The following PLD1 variants were observed in gnomAD, a reference collection of about 807,000 sequenced individuals.
The protein encoded by PLD1 is phospholipase D1, also known as choline phosphatase 1.
In PLD1, 112 loss-of-function variants were observed where a neutral mutation model predicts 137.1. That is an observed-to-expected ratio of 0.82 (90% CI 0.70 to 0.96). The LOEUF (loss-of-function observed/expected upper bound fraction) is 0.96. Among genes scored for constraint, PLD1 ranks in the 40% least tolerant of loss-of-function variants. PLD1 has a pLI of 0.00. For synonymous variants in PLD1, 431 were observed against 454.7 expected (o/e 0.95, Z 0.66); for missense variants, 1,321 against 1,342.0 (o/e 0.98, Z 0.24).
intron 16 of PLD1, among the ~76,000 whole-genome samples, chr3:171,678,319 G>GATAT (rs1713595770): frequency 6.6e-6 from 1 of 152,154 alleles, no homozygotes; most frequent in East Asian, 1.9e-4. Context: ...ATTTGGCCTA[G>GATAT]ATAACAGCTA....
chr3:171,624,547 A>T (rs1733921048), intron 23 of PLD1, among the ~76,000 whole-genome samples: 1 of 151,938 alleles, frequency 6.6e-6, no homozygotes, highest in Non-Finnish European at 1.5e-5. Context: ...TACCTTCAAC[A>T]AATAAGAATA....
intron 9 of PLD1, among the ~76,000 whole-genome samples, chr3:171,710,181 G>A (rs1254249389): frequency 6.6e-6 from 1 of 152,110 alleles, no homozygotes; most frequent in Non-Finnish European, 1.5e-5. Context: ...TCCTGCCTCA[G>A]CCTCGAGTAG....
At chr3:171,771,323 G>A (rs372640435) in intron 1 of PLD1, 1 of 152,258 alleles carries the variant, frequency 6.6e-6, no homozygotes, top group Non-Finnish European at 1.5e-5. Flanking sequence ...CCAAATAAAC[G>A]GGCAAAGCCT....
chr3:171,796,131 T>G (rs1394724206), intron 1 of PLD1, among the ~76,000 whole-genome samples: 2 of 152,236 alleles, frequency 1.3e-5, no homozygotes, highest in African/African-American at 2.4e-5. Context: ...CTGTCCACTT[T>G]TTGTAAGTAT....
chr3:171,702,046 TAAG>T (rs958458539), intron 11 of PLD1, among the ~76,000 whole-genome samples: 1 of 152,068 alleles, frequency 6.6e-6, no homozygotes, highest in Admixed American at 6.5e-5. Context: ...AAACCCAAAG[TAAG>T]AAGATGGGGG....
At chr3:171,673,961 A>G (rs540625687) in intron 19 of PLD1, among the ~76,000 whole-genome samples, 25 of 150,840 alleles carry the variant, frequency 1.7e-4, no homozygotes, top group Non-Finnish European at 2.4e-4. Flanking sequence ...GTTGATAACT[A>G]GCTGGCCGGC....
intron 16 of PLD1, among the ~76,000 whole-genome samples, chr3:171,682,108 AAAAGAAAG>A (rs61458676): frequency 0.024 from 2,379 of 99,128 alleles, 28 homozygotes; most frequent in African/African-American, 0.032. Context: ...TACAGAAAGA[AAAAGAAAG>A]AAAGAAAGAA....
intron 18 of PLD1, 96 bp downstream of exon 18, chr3:171,676,619 A>G: frequency 5.3e-6 from 5 of 935,664 alleles, no homozygotes; most frequent in Non-Finnish European, 6.9e-6. Flanking sequence ...TGTGGCCACA[A>G]CAGTCTCTTC....
intron 6 of PLD1, among the ~76,000 whole-genome samples, chr3:171,730,769 G>C (rs1333229292): frequency 1.3e-5 from 2 of 151,472 alleles, no homozygotes; most frequent in Admixed American, 1.3e-4. Context: ...CTCCCAAGTA[G>C]CTGGGATTAA....
chr3:171,720,199 T>C (rs964589518), intron 8 of PLD1, among the ~76,000 whole-genome samples: 1 of 137,592 alleles, frequency 7.3e-6, no homozygotes, highest in African/African-American at 2.8e-5. Flanking sequence ...GGGGCTGAGG[T>C]GGGAGGATCG....
intron 6 of PLD1, among the ~76,000 whole-genome samples, 162 bp downstream of exon 6, chr3:171,733,282 C>A (rs1251992049): frequency 1.3e-5 from 2 of 152,204 alleles, no homozygotes; most frequent in African/African-American, 4.8e-5. Flanking sequence ...TAAACTGGAT[C>A]CTTGCTGTAA....
At chr3:171,656,286 G>A (rs1447389061) in intron 21 of PLD1, among the ~76,000 whole-genome samples, 3 of 151,712 alleles carry the variant, frequency 2.0e-5, no homozygotes, top group African/African-American at 4.8e-5. Flanking sequence ...TTCTCCTACC[G>A]CAGCCACCTG....
At chr3:171,735,108 G>A (rs538803615) in intron 4 of PLD1, 138 bp from the exon 5 acceptor site, 115 of 605,636 alleles carry the variant, frequency 1.9e-4, no homozygotes, top group Non-Finnish European at 2.8e-4. Flanking sequence ...CTAGTTAGCC[G>A]ATATTGTGAA....
chr3:171,763,433 A>G (rs1385226648), intron 1 of PLD1, among the ~76,000 whole-genome samples: 1 of 133,048 alleles, frequency 7.5e-6, no homozygotes, highest in Non-Finnish European at 1.6e-5. Context: ...TAAAACAGAG[A>G]AGAAAAGAAG....
intron 18 of PLD1, among the ~76,000 whole-genome samples, chr3:171,675,164 A>C (rs1454374576): frequency 6.6e-6 from 1 of 152,110 alleles, no homozygotes; most frequent in Non-Finnish European, 1.5e-5. Context: ...ATATTTGTAA[A>C]GACAGGTTAA....
chr3:171,690,452 A>T (rs1715033127), intron 13 of PLD1, among the ~76,000 whole-genome samples: 1 of 151,332 alleles, frequency 6.6e-6, no homozygotes. Flanking sequence ...TTAGGTTGTT[A>T]TTTTGAGATC....
intron 23 of PLD1, among the ~76,000 whole-genome samples, chr3:171,625,109 G>C (rs1271525597): frequency 6.6e-6 from 1 of 152,014 alleles, no homozygotes; most frequent in African/African-American, 2.4e-5. Context: ...TCAAAGAAAG[G>C]GGTGACAGAT....
intron 19 of PLD1, among the ~76,000 whole-genome samples, chr3:171,670,837 T>A (rs903809520): frequency 1.3e-5 from 2 of 152,244 alleles, no homozygotes; most frequent in African/African-American, 4.8e-5. Flanking sequence ...GTGATAAGTG[T>A]CATTCTAACT....
intron 1 of PLD1, among the ~76,000 whole-genome samples, chr3:171,746,294 C>T (rs1720172904): frequency 1.3e-5 from 2 of 152,216 alleles, no homozygotes; most frequent in Non-Finnish European, 2.9e-5. Context: ...GGCAGCTCAG[C>T]CTGCAGCCTG....
Sources: gnomAD v4.1 joint callset for allele counts (sites outside exome capture counted in the v4.1 genomes callset) on GRCh38, gnomAD v4.1.1 for gene constraint, MANE v1.5 for transcripts, NCBI Gene and HGNC (gene_info 2026-07-23, HGNC 2026-07-21) for gene names.